The following CDKL5 variants were observed in gnomAD, a reference collection of about 807,000 sequenced individuals.
CDKL5 encodes cyclin dependent kinase like 5.
Under a neutral mutation model 61.7 loss-of-function variants are expected in CDKL5, and 8 were observed. The ratio of observed to expected loss-of-function variants is 0.13; its 90% confidence interval spans 0.08 to 0.23. The LOEUF is 0.23. Among genes scored for constraint, CDKL5 ranks in the 10% least tolerant of loss-of-function variants. The pLI, the probability that CDKL5 is intolerant of heterozygous loss-of-function variation, is 1.00. For missense variants in CDKL5, 440 were observed against 734.5 expected (o/e 0.60, Z 4.63); for synonymous variants, 275 against 272.3 (o/e 1.01, Z -0.10).
chrX:18,630,731 A>G lies in CDKL5; in HGVS notation c.*1974A>G, dbSNP rs1337862298. The G allele has an allele frequency of 2.7e-5, 20 of 746,824 alleles. No homozygotes were observed. The highest frequency in any genetic ancestry group is 3.1e-5 in the Non-Finnish European group (20 of 635,934). 61.5% of individuals were successfully genotyped at this position (746,824 alleles called of 1,213,427 possible). Reference sequence around the variant, plus strand: ...CTAAAATGAAACTCGACTGGGTACTATTACTGAAAAAATTTGACTCAAACC... The same window carrying G: ...CTAAAATGAAACTCGACTGGGTACTGTTACTGAAAAAATTTGACTCAAACC... On this transcript the variant is annotated 3_prime_UTR_variant, in exon 18 of 18. Transcript: ENST00000623535.
chrX:18,611,711 A>T (rs188737807), intron 14 of CDKL5, among the ~76,000 whole-genome samples: 1 of 111,935 alleles, frequency 8.9e-6, no homozygotes, highest in Non-Finnish European at 1.9e-5. Flanking sequence ...AATTCAGAGA[A>T]ATACTTCATA....
At position 18,629,344 on chromosome X, in the gene CDKL5, T is replaced by C. The variant is rs1356680218; in HGVS notation, c.*587T>C. On this transcript the variant is annotated 3_prime_UTR_variant, in exon 18 of 18. Transcript: ENST00000623535. ...ATATCTTTTATGTTATAATGTAAAG[T>C]TATTTTGAGCTGTTTGAAACATTGT... 1 of 678,313 alleles carries C rather than the reference T, an allele frequency of 1.5e-6. No individual in the cohort carries two copies. Among genetic ancestry groups the C allele is most frequent in the Non-Finnish European group, 1.7e-6 (1 of 572,035 alleles). 55.9% of individuals were successfully genotyped at this position (678,313 alleles called of 1,213,427 possible).
intron 1 of CDKL5, among the ~76,000 whole-genome samples, chrX:18,476,208 C>T (rs1283887203): frequency 9.0e-6 from 1 of 110,616 alleles, no homozygotes; most frequent in Non-Finnish European, 1.9e-5. Context: ...TCTTAATGTC[C>T]TTCTTTATCT....
intron 1 of CDKL5, among the ~76,000 whole-genome samples, chrX:18,470,514 G>T (rs940376511): frequency 1.8e-5 from 2 of 111,025 alleles, no homozygotes; most frequent in African/African-American, 6.5e-5. Flanking sequence ...AGTACTGCTG[G>T]ATTACAGATT....
intron 3 of CDKL5, among the ~76,000 whole-genome samples, chrX:18,559,903 G>A (rs1367674392): frequency 4.7e-5 from 5 of 105,944 alleles, no homozygotes; most frequent in African/African-American, 1.4e-4. Flanking sequence ...TTGTTCTTGC[G>A]ATAGTTTGCT....
At position 18,509,197 on chromosome X, in the gene CDKL5, G is replaced by A. The variant is rs867106333; in HGVS notation, c.65-1623G>A. ...AGAGAGCGAGACTGTCTCAAAACAC[G>A]CACACACACACACACACACACACAC... is the stretch of plus-strand genomic sequence containing the variant. On this transcript the variant is annotated intron_variant, in intron 2 of 17. Coordinates refer to ENST00000623535, the MANE Select transcript of CDKL5 (RefSeq NM_001323289.2). 7.5e-3 allele frequency among the ~76,000 whole-genome samples: 478 copies of A among 64,052 alleles called. 3 individuals carry two copies. The highest frequency in any genetic ancestry group is 0.019 in the East Asian group (27 of 1,450). 55.6% of individuals were successfully genotyped at this position (64,052 alleles called of 115,157 possible). A position where few individuals can be genotyped will look rare whatever the true frequency, so the allele number is the denominator to read the frequency against.
Position 18,575,449 on chromosome X carries a change from C to T in CDKL5, c.241C>T (p.Arg81Trp), listed in dbSNP as rs1925266779. 8.3e-7 allele frequency: 1 copy of T among 1,209,502 alleles called. No individual in the cohort carries two copies. The highest frequency in any genetic ancestry group is 1.1e-6 in the Non-Finnish European group (1 of 893,725). ...TGTGGAGTTGAAGGAAGCATTTCGT[C>T]GGAGGGGAAAGTTGTACTTGGTGTT... ...NIVELKEAFRRRGKLYLVFEY... is the reference protein window; with the variant it reads ...NIVELKEAFRWRGKLYLVFEY... Residue 81 changes from arginine (R) to tryptophan (W), a missense_variant, in exon 5 of 18, where the codon CGG (arginine) becomes TGG (tryptophan). Physicochemically the swap from Arg to Trp is moderately radical, Grantham distance 101. Coordinates refer to ENST00000623535, the MANE Select transcript of CDKL5 (RefSeq NM_001323289.2).
At chrX:18,628,241 C>G in intron 17 of CDKL5, 130 bp from the exon 18 acceptor site, 1 of 622,558 alleles carries the variant, frequency 1.6e-6, no homozygotes. Flanking sequence ...TATGGCTGGA[C>G]CGGCTCCTCC....
chrX:18,632,023 C>A lies in CDKL5; in HGVS notation c.*3266C>A. The A allele has an allele frequency of 1.7e-6, 1 of 594,448 alleles. No individual in the cohort carries two copies. Among genetic ancestry groups the A allele is most frequent in the Non-Finnish European group, 2.0e-6 (1 of 493,686 alleles). The allele number at this position is 594,448 out of a possible 1,213,427, so 49.0% of individuals were successfully genotyped here. A position where few individuals can be genotyped will look rare whatever the true frequency, so the allele number is the denominator to read the frequency against. The stretch of plus-strand genomic sequence containing the variant: ...TAGAGGCCACAGATGCTACTAAACA[C>A]CCTGCCATGCACAGGACAGCCCCCC... On this transcript the variant is annotated 3_prime_UTR_variant, in exon 18 of 18. Coordinates refer to ENST00000623535, the MANE Select transcript of CDKL5 (RefSeq NM_001323289.2).
chrX:18,559,357 C>T (rs139397167), intron 3 of CDKL5, among the ~76,000 whole-genome samples: 8,399 of 110,718 alleles, frequency 0.076, 341 homozygotes, highest in Middle Eastern at 0.15. Context: ...TATAGGCACG[C>T]GCCACCATGC....
intron 3 of CDKL5, among the ~76,000 whole-genome samples, chrX:18,555,648 G>A (rs1359569613): frequency 6.3e-5 from 7 of 111,952 alleles, no homozygotes; most frequent in Non-Finnish European, 1.3e-4. Flanking sequence ...AACTCCTGTG[G>A]CATATCATAT....
At chrX:18,642,431 A>G (rs2147189345), downstream of CDKL5, among the ~76,000 whole-genome samples, 1 of 112,139 alleles carries the variant, frequency 8.9e-6, no homozygotes, top group East Asian at 2.8e-4. Flanking sequence ...TCAGTTCCTC[A>G]GTCACATGAG....
chrX:18,464,621 A>G (rs745358230), intron 1 of CDKL5, among the ~76,000 whole-genome samples: 2 of 111,481 alleles, frequency 1.8e-5, no homozygotes, highest in South Asian at 7.5e-4. Flanking sequence ...AACACTTCAT[A>G]AGGTATAGGA....
chrX:18,507,233 CT>C, intron 2 of CDKL5, 73 bp downstream of exon 2: 2 of 663,425 alleles, frequency 3.0e-6, no homozygotes, highest in Non-Finnish European at 5.0e-6. Context: ...CAAAAAGTTA[CT>C]AATTAGATCC....
chrX:18,507,179 G>A lies in CDKL5; in HGVS notation c.64+19G>A, dbSNP rs776988929. On this transcript the variant is annotated intron_variant, in intron 2 of 17. Coordinates refer to ENST00000623535, the MANE Select transcript of CDKL5 (RefSeq NM_001323289.2). ...GGTGAAGGTAAGTTGGAATTTTTGC[G>A]TTCCTTGAGTTTTGAGCAATGAACA... is the stretch of plus-strand genomic sequence containing the variant. The A allele has an allele frequency of 8.1e-6, 9 of 1,106,081 alleles. No homozygotes were observed. The Admixed American group carries it at 1.5e-4, about 19-fold the overall frequency. 91.2% of individuals were successfully genotyped at this position (1,106,081 alleles called of 1,213,427 possible).
intron 1 of CDKL5, among the ~76,000 whole-genome samples, chrX:18,451,284 C>T (rs778179938): frequency 2.7e-5 from 3 of 110,607 alleles, no homozygotes; most frequent in Non-Finnish European, 5.7e-5. Context: ...CTCCATCTTC[C>T]GGGTTCAAAC....
Position 18,579,988 on chromosome X carries a change from A to G in CDKL5, c.403+20A>G, listed in dbSNP as rs1925426144. 8.7e-7 allele frequency: 1 copy of G among 1,144,148 alleles called. No homozygotes were observed. Among genetic ancestry groups the G allele is most frequent in the Admixed American group, 2.2e-5 (1 of 45,590 alleles). 94.3% of individuals were successfully genotyped at this position (1,144,148 alleles called of 1,213,427 possible). ...ATCGAGGTGAGTATGAGATTTTTAA[A>G]ATGGAAAATATTAAAACATCAAATA... On this transcript the variant is annotated intron_variant, in intron 6 of 17. Coordinates refer to ENST00000623535, the MANE Select transcript of CDKL5 (RefSeq NM_001323289.2).
chrX:18,649,913 G>A (rs1274492061), intron 20 of CDKL5, among the ~76,000 whole-genome samples: 1 of 111,448 alleles, frequency 9.0e-6, no homozygotes, highest in Non-Finnish European at 1.9e-5. Context: ...AACCTTGGGT[G>A]TCTCTGAGGC....
intron 9 of CDKL5, chrX:18,588,645 G>T (rs904641321): frequency 2.6e-5 from 3 of 114,903 alleles, no homozygotes; most frequent in Non-Finnish European, 5.4e-5. Context: ...GTGCATGGTG[G>T]CTCACTCCTG....
Sources: gnomAD v4.1 joint callset for allele counts (sites outside exome capture counted in the v4.1 genomes callset) on GRCh38, gnomAD v4.1.1 for gene constraint, MANE v1.5 for transcripts, NCBI Gene and HGNC (gene_info 2026-07-23, HGNC 2026-07-21) for gene names.